FLCN: variants seen among roughly 807,000 people sequenced by gnomAD.
The protein encoded by FLCN is BHD skin lesion fibrofolliculoma protein.
In FLCN, 22 loss-of-function variants were observed where a neutral mutation model predicts 62.5. The observed-to-expected ratio is 0.35, with a 90% CI of 0.25 to 0.50. FLCN has a LOEUF of 0.50. Ranked by LOEUF, FLCN falls within the 20% of genes least tolerant of loss-of-function variation. The pLI is 0.97. For synonymous variants in FLCN, 319 were observed against 310.0 expected (o/e 1.03, Z -0.30); for missense variants, 657 against 778.0 (o/e 0.84, Z 1.85).
At chr17:17,231,142 G>A (rs2047409305) in intron 3 of FLCN, among the ~76,000 whole-genome samples, 1 of 152,234 alleles carries the variant, frequency 6.6e-6, no homozygotes, top group African/African-American at 2.4e-5. Context: ...GAAGGTTGCA[G>A]TGAGCCAAGA....
intron 5 of FLCN, 89 bp from the exon 6 acceptor site, chr17:17,224,232 G>T (rs2047185272): frequency 1.6e-6 from 2 of 1,235,336 alleles, no homozygotes; most frequent in African/African-American, 3.0e-5. Flanking sequence ...AGAGTCAGCT[G>T]GCACAAATCA....
At chr17:17,219,568 T>C (rs1052751642) in intron 8 of FLCN, 1 of 43,426 alleles carries the variant, frequency 2.3e-5, no homozygotes, top group Non-Finnish European at 5.6e-5. Context: ...TTTTCCACTT[T>C]TTTTTTTTTT....
At position 17,215,155 on chromosome 17, in the gene FLCN, A is replaced by G. The variant is rs769225342; in HGVS notation, c.1432+30T>C. 40 of 1,613,738 alleles carry G rather than the reference A, an allele frequency of 2.5e-5. No homozygotes were observed. Among genetic ancestry groups the G allele is most frequent in the Admixed American group, 8.3e-5 (5 of 59,992 alleles). On this transcript the variant is annotated intron_variant, in intron 12 of 13. Transcript: ENST00000285071. The stretch of plus-strand genomic sequence containing the variant: ...GCGCGGGGCGGGGGCATCTTCTCAC[A>G]AAAAGGACACTCTGCCTGGGGGCAC...
chr17:17,236,465 A>G (rs896838648), intron 1 of FLCN, among the ~76,000 whole-genome samples: 1 of 152,220 alleles, frequency 6.6e-6, no homozygotes, highest in Non-Finnish European at 1.5e-5. Context: ...AGAGACTGCT[A>G]GTGACCACAC....
At position 17,233,716 on chromosome 17, in the gene FLCN, C is replaced by CTTTTT. The variant is rs34208211; in HGVS notation, c.-227-820_-227-816dup. 3.1e-4 allele frequency among the ~76,000 whole-genome samples: 20 copies of CTTTTT among 63,960 alleles called. 1 individual carries two copies. Among genetic ancestry groups the CTTTTT allele is most frequent in the African/African-American group, 8.7e-4 (14 of 16,086 alleles). 42.0% of individuals were successfully genotyped at this position (63,960 alleles called of 152,430 possible). On this transcript the variant is annotated intron_variant, in intron 1 of 13. Transcript: ENST00000285071. The stretch of plus-strand genomic sequence containing the variant: ...TCAAGGCTGCAAGTTCCCATCTTTC[C>CTTTTT]TTTTTTTTTTTTTTTTTTTTTTTTG...
rs1400112197 is a variant in FLCN, at chr17:17,224,062, C to A, written c.478G>T (p.Asp160Tyr). ...FVFSHTFFIK[D>Y]SLARGFQRWY... ...CGCTGGAAGCCCCTGGCCAGGCTGT[C>A]CTTGATGAAGAAGGTGTGGCTGAAC... Residue 160 changes from aspartate to tyrosine, a missense_variant, in exon 6 of 14, where the codon GAC becomes TAC. By Grantham distance (160) the Asp-to-Tyr change is radical. Coordinates refer to ENST00000285071, the MANE Select transcript of FLCN (RefSeq NM_144997.7). The A allele has an allele frequency of 1.9e-6, 3 of 1,613,548 alleles. No individual in the cohort carries two copies. The African/African-American group carries it at 4.0e-5, about 22-fold the overall frequency.
At position 17,216,326 on chromosome 17, in the gene FLCN, G is replaced by A; in HGVS notation, c.1300+54C>T. On this transcript the variant is annotated intron_variant, in intron 11 of 13. Transcript: ENST00000285071. This position sits in a 1 kb window ranked among gnomAD's most constrained non-coding sequence, Gnocchi z 4.0. Reference sequence around the variant, plus strand: ...AGATCTGGTTCCACTTTGGGCCTGAGGCGTGGGGAACCTCAGCGCAGGGCA... The same window carrying A: ...AGATCTGGTTCCACTTTGGGCCTGAAGCGTGGGGAACCTCAGCGCAGGGCA... 6.2e-7 allele frequency: 1 copy of A among 1,608,408 alleles called. No individual in the cohort carries two copies. The highest frequency in any genetic ancestry group is 8.5e-7 in the Non-Finnish European group (1 of 1,177,226).
At position 17,223,755 on chromosome 17, in the gene FLCN, C is replaced by T. The variant is rs569984334; in HGVS notation, c.618+167G>A. 7.9e-5 allele frequency among the ~76,000 whole-genome samples: 12 copies of T among 152,358 alleles called. No homozygotes were observed. The South Asian group carries it at 2.5e-3, about 32-fold the overall frequency. On this transcript the variant is annotated intron_variant, in intron 6 of 13. Transcript: ENST00000285071. ...AAAGCAGGCGGGATGGCCTGGGAGG[C>T]TCCTCACGACCTCCAGCTCTGAAGC...
intron 8 of FLCN, 59 bp from the exon 9 acceptor site, chr17:17,219,268 GC>G: frequency 7.1e-7 from 1 of 1,416,558 alleles, no homozygotes; most frequent in East Asian, 3.3e-5. Context: ...TGTGACTTCA[GC>G]CCAAGATACT....
intron 8 of FLCN, chr17:17,221,155 A>T: frequency 4.2e-6 from 6 of 1,430,110 alleles, no homozygotes; most frequent in Non-Finnish European, 5.5e-6. Flanking sequence ...CCCTTCATGG[A>T]AAACTTGGGA....
chr17:17,226,086 T>C, intron 5 of FLCN, 90 bp downstream of exon 5: 1 of 1,572,442 alleles, frequency 6.4e-7, no homozygotes, highest in Non-Finnish European at 8.7e-7. Context: ...AGTGCCTGCC[T>C]CCCTGTGCAA....
At chr17:17,221,013 AAAGCTTGGCC>A (rs2047068534) in intron 8 of FLCN, 1 of 505,390 alleles carries the variant, frequency 2.0e-6, no homozygotes, top group African/African-American at 1.9e-5. Context: ...TCCCTGATGG[AAAGCTTGGCC>A]AAGACTGGCC....
At chr17:17,221,707 AC>A in intron 7 of FLCN, 79 bp from the exon 8 acceptor site, 2 of 1,482,322 alleles carry the variant, frequency 1.3e-6, no homozygotes, top group East Asian at 4.9e-5. Flanking sequence ...CCCTGATCCT[AC>A]CAGTTTAAAG....
At chr17:17,219,658 C>T (rs1441189656) in intron 8 of FLCN, 1 of 170,496 alleles carries the variant, frequency 5.9e-6, no homozygotes, top group East Asian at 1.7e-4. Flanking sequence ...CAACCTCCGC[C>T]TCCTGGGTTC....
rs1166116743 is a variant in FLCN, at chr17:17,227,989, C to T, written c.149G>A (p.Gly50Asp). 4 of 1,614,002 alleles carry T rather than the reference C, an allele frequency of 2.5e-6. No individual in the cohort carries two copies. The African/African-American group carries it at 5.3e-5, about 22-fold the overall frequency. ...GQGEQAEEEE[G>D]GIQMNSRMRA... Reference sequence around the variant, plus strand: ...CATCCGACTGTTCATCTGAATGCCACCTTCCTCTTCTTCCGCCTGCTCACC... The same window carrying T: ...CATCCGACTGTTCATCTGAATGCCATCTTCCTCTTCTTCCGCCTGCTCACC... The change falls in exon 4 of 14, where the codon GGT (glycine) becomes GAT (aspartate). Residue 50 changes from glycine (G) to aspartate (D), a missense_variant. Gly to Asp is a moderately conservative substitution (Grantham distance 94). Transcript: ENST00000285071.
At position 17,227,916 on chromosome 17, in the gene FLCN, C is replaced by G; in HGVS notation, c.222G>C (p.Pro74=). ...CGCACATGTCCGACTTTTTGGGCCC[C>G]GGGCTGCTGGACTCGACGCTGGCCC... ...AEGASVESSS[P]GPKKSDMCEG... Residue 74 remains proline, a synonymous_variant, in exon 4 of 14, where the codon CCG becomes CCC. Coordinates refer to ENST00000285071, the MANE Select transcript of FLCN (RefSeq NM_144997.7). 6.2e-7 allele frequency: 1 copy of G among 1,614,132 alleles called. No homozygotes were observed. The highest frequency in any genetic ancestry group is 8.5e-7 in the Non-Finnish European group (1 of 1,180,032).
Position 17,216,328 on chromosome 17 carries a change from C to A in FLCN, c.1300+52G>T, listed in dbSNP as rs980287768. ...ATCTGGTTCCACTTTGGGCCTGAGG[C>A]GTGGGGAACCTCAGCGCAGGGCATG... is the stretch of plus-strand genomic sequence containing the variant. On this transcript the variant is annotated intron_variant, in intron 11 of 13. Coordinates refer to ENST00000285071, the MANE Select transcript of FLCN (RefSeq NM_144997.7). This position sits in a 1 kb window ranked among gnomAD's most constrained non-coding sequence, Gnocchi z 4.0. The A allele has an allele frequency of 6.2e-7, 1 of 1,608,260 alleles. No homozygotes were observed. Among genetic ancestry groups the A allele is most frequent in the South Asian group, 1.1e-5 (1 of 90,638 alleles).
rs1455355430 is a variant in FLCN at position 17,213,496 on chromosome 17, C to G, written c.*159G>C. On this transcript the variant is annotated 3_prime_UTR_variant, in exon 14 of 14. Coordinates refer to ENST00000285071, the MANE Select transcript of FLCN (RefSeq NM_144997.7). Reference sequence around the variant, plus strand: ...GGAGAGTCTGGGAAGCACACAGGCCCCAAACCTGACAGGGCCGAGCCCAGC... The same window carrying G: ...GGAGAGTCTGGGAAGCACACAGGCCGCAAACCTGACAGGGCCGAGCCCAGC... 1.0e-6 allele frequency: 1 copy of G among 968,338 alleles called. No homozygotes were observed. The allele number at this position is 968,338 out of a possible 1,614,324, so 60.0% of individuals were successfully genotyped here. A position where few individuals can be genotyped will look rare whatever the true frequency, so the allele number is the denominator to read the frequency against.
Position 17,221,493 on chromosome 17 carries a change from C to A in FLCN, c.871+44G>T, listed in dbSNP as rs757688846. ...AGAGCAGACAGCTGGTACCGCCCCACGGCCATCCGGGCCAAGGCCCCGGCA... is the reference window on the plus strand; with the variant it reads ...AGAGCAGACAGCTGGTACCGCCCCAAGGCCATCCGGGCCAAGGCCCCGGCA... On this transcript the variant is annotated intron_variant, in intron 8 of 13. Transcript: ENST00000285071. 26 of 1,613,942 alleles carry A rather than the reference C, an allele frequency of 1.6e-5. No individual in the cohort carries two copies. Among genetic ancestry groups the A allele is most frequent in the Non-Finnish European group, 2.2e-5 (26 of 1,180,024 alleles).
Sources: allele counts gnomAD v4.1 joint callset (sites outside exome capture counted in the v4.1 genomes callset), GRCh38; gene constraint gnomAD v4.1.1; non-coding constraint Gnocchi (gnomAD v3.1); transcripts MANE v1.5; gene names NCBI Gene and HGNC (gene_info 2026-07-23, HGNC 2026-07-21).